KANSL1L: variants seen among roughly 807,000 people sequenced by gnomAD.
KANSL1L encodes the protein KAT8 regulatory NSL complex subunit 1-like protein.
KANSL1L carries 25 observed loss-of-function variants against 108.6 expected under a neutral mutation model. That is an observed-to-expected ratio of 0.23 (90% CI 0.17 to 0.32). The LOEUF (loss-of-function observed/expected upper bound fraction) is 0.32. KANSL1L is among the 10% of genes least tolerant of loss of function. The pLI, the probability that KANSL1L is intolerant of heterozygous loss-of-function variation, is 1.00. For synonymous variants in KANSL1L, 405 were observed against 395.1 expected (o/e 1.03, Z -0.30); for missense variants, 1,137 against 1,125.7 (o/e 1.01, Z -0.14).
upstream of KANSL1L, chr2:210,171,540 A>T (rs1373125159): frequency 6.5e-6 from 1 of 152,724 alleles, no homozygotes; most frequent in Non-Finnish European, 1.5e-5. Context: ...GTGTTCTGGA[A>T]GTGGCAGGAG....
chr2:210,079,554 C>A (rs2094566165), intron 5 of KANSL1L, among the ~76,000 whole-genome samples: 1 of 141,488 alleles, frequency 7.1e-6, no homozygotes, highest in Admixed American at 7.3e-5. Flanking sequence ...TGAGATTGAG[C>A]CCCTGTAGCC....
chr2:210,082,243 GA>G (rs1223086841), intron 5 of KANSL1L, among the ~76,000 whole-genome samples: 1 of 152,140 alleles, frequency 6.6e-6, no homozygotes, highest in East Asian at 1.9e-4. Flanking sequence ...AATTTGTAAG[GA>G]TGCATTTACC....
chr2:210,159,768 C>T (rs901655879), intron 1 of KANSL1L, among the ~76,000 whole-genome samples: 1 of 152,144 alleles, frequency 6.6e-6, no homozygotes, highest in South Asian at 2.1e-4. Flanking sequence ...AAGAAAACAA[C>T]AGGCCGGGCG....
chr2:210,095,391 A>G (rs929137188), intron 5 of KANSL1L, among the ~76,000 whole-genome samples: 1 of 152,070 alleles, frequency 6.6e-6, no homozygotes, highest in African/African-American at 2.4e-5. Context: ...TGCTCTTGTC[A>G]AAGTCTCTCT....
At chr2:210,153,470 A>G in intron 2 of KANSL1L, 25 bp downstream of exon 2, 2 of 1,585,846 alleles carry the variant, frequency 1.3e-6, no homozygotes, top group Non-Finnish European at 1.7e-6. Flanking sequence ...AACAGAAAAT[A>G]GTCTAATAAT....
intron 3 of KANSL1L, among the ~76,000 whole-genome samples, chr2:210,120,981 A>G (rs1490128505): frequency 6.6e-6 from 1 of 152,210 alleles, no homozygotes; most frequent in Admixed American, 6.5e-5. Flanking sequence ...GCTACTATTA[A>G]AAAGTCAAAA....
chr2:210,064,913 G>A lies in KANSL1L; in HGVS notation c.1755+10639C>T, dbSNP rs532190444. 2.7e-5 allele frequency among the ~76,000 whole-genome samples: 4 copies of A among 150,852 alleles called. No homozygotes were observed. In the South Asian group the frequency reaches 6.3e-4, roughly 24 times the overall value. On this transcript the variant is annotated intron_variant, in intron 6 of 14. Transcript: ENST00000281772. The stretch of plus-strand genomic sequence containing the variant: ...AGAAGGAGTACATTACGAACTCATA[G>A]AGCTAGCTAAGGTTTCTAGGCAGAA...
At chr2:210,102,748 A>C (rs1409544514) in intron 4 of KANSL1L, among the ~76,000 whole-genome samples, 1 of 152,204 alleles carries the variant, frequency 6.6e-6, no homozygotes, top group Non-Finnish European at 1.5e-5. Context: ...AGAGAAATGC[A>C]TATCAAAACC....
At chr2:210,109,244 A>G (rs2094881479) in intron 3 of KANSL1L, among the ~76,000 whole-genome samples, 1 of 152,162 alleles carries the variant, frequency 6.6e-6, no homozygotes, top group Non-Finnish European at 1.5e-5. Flanking sequence ...TGAAACGATT[A>G]TAGGTTTTAT....
At chr2:210,141,123 C>T (rs2095223952) in intron 2 of KANSL1L, among the ~76,000 whole-genome samples, 1 of 151,620 alleles carries the variant, frequency 6.6e-6, no homozygotes, top group Admixed American at 6.6e-5. Flanking sequence ...CTTCCCCTCA[C>T]TCCCTCCTTC....
Position 210,116,631 on chromosome 2 carries a change from C to T in KANSL1L, c.1231-12330G>A, listed in dbSNP as rs189937872. ...CCAGAGAATGCTTTTGGATCTTACC[C>T]GAGACTACTGAGGTCATACCTCTAT... On this transcript the variant is annotated intron_variant, in intron 3 of 14. Transcript: ENST00000281772. Among the ~76,000 whole-genome samples the T allele has an allele frequency of 3.2e-4, 49 of 152,090 alleles. 1 individual carries two copies. Among genetic ancestry groups the T allele is most frequent in the Non-Finnish European group, 7.4e-5 (5 of 67,976 alleles).
chr2:210,022,916 T>A lies in KANSL1L; in HGVS notation c.*33A>T, dbSNP rs1467722413. 6.9e-7 allele frequency: 1 copy of A among 1,456,692 alleles called. No individual in the cohort carries two copies. Among genetic ancestry groups the A allele is most frequent in the Admixed American group, 1.7e-5 (1 of 58,964 alleles). The allele number at this position is 1,456,692 out of a possible 1,614,324, so 90.2% of individuals were successfully genotyped here. A position where few individuals can be genotyped will look rare whatever the true frequency, so the allele number is the denominator to read the frequency against. On this transcript the variant is annotated 3_prime_UTR_variant, in exon 15 of 15. Coordinates refer to ENST00000281772, the MANE Select transcript of KANSL1L (RefSeq NM_152519.4). ...GGGCTTTATTTCCTCCCATCTTTCC[T>A]ACATTTACATAGTTTTCTTAACCTG...
In KANSL1L at chr2:210,033,781, G is replaced by A. The variant is rs887113520; in HGVS notation, c.2030-2235C>T. ...TCTCGATCTCCTCACCTCGTGATCC[G>A]CCCGCCTCAGCCTCCCAAAGTGCTG... On this transcript the variant is annotated intron_variant, in intron 8 of 14. Transcript: ENST00000281772. 1.1e-4 allele frequency among the ~76,000 whole-genome samples: 16 copies of A among 148,716 alleles called. No homozygotes were observed. In the East Asian group the frequency reaches 1.4e-3, roughly 13 times the overall value.
At chr2:210,065,917 A>G (rs2094463828) in intron 6 of KANSL1L, among the ~76,000 whole-genome samples, 1 of 152,118 alleles carries the variant, frequency 6.6e-6, no homozygotes, top group Non-Finnish European at 1.5e-5. Flanking sequence ...ATGAGTTCCA[A>G]GACTTCAAGC....
At chr2:210,082,144 A>G (rs1351370315) in intron 5 of KANSL1L, among the ~76,000 whole-genome samples, 3 of 152,044 alleles carry the variant, frequency 2.0e-5, no homozygotes, top group Admixed American at 2.0e-4. Context: ...AATTTCTTGG[A>G]TGGTTTGGAA....
chr2:210,038,469 A>G lies in KANSL1L; in HGVS notation c.2029+1951T>C, dbSNP rs974807268. Among the ~76,000 whole-genome samples, 3 of 152,044 alleles carry G rather than the reference A, an allele frequency of 2.0e-5. No individual in the cohort carries two copies. The South Asian group carries it at 6.2e-4, about 31-fold the overall frequency. ...TAGTTGTGCCAAAATTGATGATTAT[A>G]ATGTTTAAAATCATTAATGTTGCAG... is the stretch of plus-strand genomic sequence containing the variant. On this transcript the variant is annotated intron_variant, in intron 8 of 14. Transcript: ENST00000281772.
At chr2:210,063,349 T>C (rs960517033) in intron 6 of KANSL1L, among the ~76,000 whole-genome samples, 2 of 152,318 alleles carry the variant, frequency 1.3e-5, no homozygotes, top group Middle Eastern at 3.4e-3. Context: ...AAGGGAAATG[T>C]GGGGTCAGAG....
chr2:210,145,791 C>T (rs567783965), intron 2 of KANSL1L, among the ~76,000 whole-genome samples: 19 of 152,316 alleles, frequency 1.2e-4, no homozygotes, highest in African/African-American at 4.1e-4. Context: ...TGGGTTGAGG[C>T]TAGTCCACAG....
chr2:210,023,983 G>C, intron 14 of KANSL1L, 50 bp downstream of exon 14: 1 of 1,246,302 alleles, frequency 8.0e-7, no homozygotes. Flanking sequence ...CTACAAACAA[G>C]TAGTTAAAAG....
Sources: gnomAD v4.1 joint callset for allele counts (sites outside exome capture counted in the v4.1 genomes callset) on GRCh38, gnomAD v4.1.1 for gene constraint, MANE v1.5 for transcripts, NCBI Gene and HGNC (gene_info 2026-07-23, HGNC 2026-07-21) for gene names.